STOX2: variants seen among roughly 807,000 people sequenced by gnomAD.
STOX2 encodes storkhead-box protein 2.
Under a neutral mutation model 60.9 loss-of-function variants are expected in STOX2, and 28 were observed. The observed-to-expected ratio is 0.46, with a 90% CI of 0.34 to 0.63. The LOEUF (loss-of-function observed/expected upper bound fraction) is 0.63, where lower values mean the gene tolerates loss of function less well. Among genes scored for constraint, STOX2 ranks in the 30% least tolerant of loss-of-function variants. STOX2 has a pLI of 0.01. For missense variants in STOX2, 1,024 were observed against 1,187.7 expected, an observed-to-expected ratio of 0.86 and a Z score of 2.03; for synonymous variants, 472 against 463.9, an observed-to-expected ratio of 1.02 and a Z score of -0.22.
At chr4:183,808,163 G>A (rs1453384798) in intron 1 of STOX2, among the ~76,000 whole-genome samples, 1 of 152,234 alleles carries the variant, frequency 6.6e-6, no homozygotes, top group Non-Finnish European at 1.5e-5. Context: ...AGTGAAAGGA[G>A]GATACAGCTC....
At chr4:184,007,949 A>T (rs1202335545) in intron 2 of STOX2, among the ~76,000 whole-genome samples, 2 of 152,222 alleles carry the variant, frequency 1.3e-5, no homozygotes, top group Non-Finnish European at 2.9e-5. Flanking sequence ...GGATTTCAGG[A>T]TATAAATTGG....
chr4:184,018,468 A>C lies in STOX2; in HGVS notation c.*1184A>C, dbSNP rs1734463359. The C allele has an allele frequency of 7.3e-6, 1 of 137,796 alleles. No individual in the cohort carries two copies. The highest frequency in any genetic ancestry group is 2.3e-4 in the South Asian group (1 of 4,260). The allele number at this position is 137,796 out of a possible 1,614,324, so 8.5% of individuals were successfully genotyped here. ...TTTGATTAGAAATATACATGTGCCCATGTAATAAACAACAGAATGTGCTCA... is the reference window on the plus strand; with the variant it reads ...TTTGATTAGAAATATACATGTGCCCCTGTAATAAACAACAGAATGTGCTCA... On this transcript the variant is annotated 3_prime_UTR_variant, in exon 4 of 4. Transcript: ENST00000308497.
chr4:183,979,456 C>T (rs1203909547), intron 1 of STOX2, among the ~76,000 whole-genome samples: 1 of 152,108 alleles, frequency 6.6e-6, no homozygotes, highest in Non-Finnish European at 1.5e-5. Context: ...CACTGATATT[C>T]TTGTGATTGC....
intron 1 of STOX2, among the ~76,000 whole-genome samples, chr4:183,807,035 C>T (rs373110721): frequency 2.2e-4 from 34 of 152,072 alleles, no homozygotes; most frequent in African/African-American, 5.3e-4. Flanking sequence ...TGCAGTGGCG[C>T]GATCTCGGCT....
intron 1 of STOX2, among the ~76,000 whole-genome samples, chr4:183,851,948 G>A (rs369038121): frequency 0.15 from 5,242 of 34,488 alleles, 478 homozygotes; most frequent in East Asian, 0.31. Flanking sequence ...AAAGGATGAG[G>A]GAAACGATGA....
intron 1 of STOX2, among the ~76,000 whole-genome samples, chr4:183,868,386 A>G (rs1740619801): frequency 6.6e-6 from 1 of 152,118 alleles, no homozygotes; most frequent in Admixed American, 6.5e-5. Flanking sequence ...TGATTGTGCC[A>G]TTGCACTTCA....
chr4:183,996,692 AT>A (rs1733360221), intron 1 of STOX2, among the ~76,000 whole-genome samples: 1 of 152,182 alleles, frequency 6.6e-6, no homozygotes, highest in African/African-American at 2.4e-5. Flanking sequence ...TCTTAAATGC[AT>A]GTTCTAAACT....
At chr4:183,817,935 C>T (rs1739189049) in intron 1 of STOX2, among the ~76,000 whole-genome samples, 1 of 152,074 alleles carries the variant, frequency 6.6e-6, no homozygotes, top group African/African-American at 2.4e-5. Flanking sequence ...CTGCACTGTT[C>T]TCCCCACCTC....
chr4:183,934,467 G>T (rs1742532258), intron 1 of STOX2, among the ~76,000 whole-genome samples: 1 of 152,152 alleles, frequency 6.6e-6, no homozygotes, highest in Admixed American at 6.5e-5. Flanking sequence ...AAGGCCTTTA[G>T]AAACTTTAGA....
chr4:183,848,733 T>C (rs1240629833), intron 1 of STOX2, among the ~76,000 whole-genome samples: 1 of 152,174 alleles, frequency 6.6e-6, no homozygotes, highest in South Asian at 2.1e-4. Flanking sequence ...TCATCTTTAT[T>C]AGAGAAGTGA....
rs1164648011 is a variant in STOX2 at position 183,857,379 on chromosome 4, T to TGCCTCATAGGATTGGTC, written c.364+59324_364+59325insGCCTCATAGGATTGGTC. Among the ~76,000 whole-genome samples, 132 of 151,454 alleles carry TGCCTCATAGGATTGGTC rather than the reference T, an allele frequency of 8.7e-4. 1 individual carries two copies. Among genetic ancestry groups the TGCCTCATAGGATTGGTC allele is most frequent in the African/African-American group, 3.1e-3 (128 of 41,274 alleles). On this transcript the variant is annotated intron_variant, in intron 1 of 2. Transcript: ENST00000513034. ...GGACTGGTCATCCCGCAGGACTGGT[T>TGCCTCATAGGATTGGTC]ATCCCGCAGGACTGGTTGCCTCATA...
At chr4:183,936,945 A>G (rs145084424) in intron 1 of STOX2, among the ~76,000 whole-genome samples, 1 of 152,370 alleles carries the variant, frequency 6.6e-6, no homozygotes, top group East Asian at 1.9e-4. Flanking sequence ...GAGCATGGAT[A>G]CTTTTGCACA....
intron 1 of STOX2, among the ~76,000 whole-genome samples, chr4:183,942,257 CATTTGTAAATTATCTTACAA>C (rs142813480): frequency 0.038 from 5,651 of 150,338 alleles, 223 homozygotes; most frequent in African/African-American, 0.1. Flanking sequence ...TGACTTTAGA[CATTTGTAAATTATCTTACAA>C]ATTTGTAAAT....
At chr4:183,991,713 C>T (rs571213687) in intron 1 of STOX2, among the ~76,000 whole-genome samples, 34 of 152,188 alleles carry the variant, frequency 2.2e-4, no homozygotes, top group Admixed American at 5.2e-4. Flanking sequence ...CATGAGCCAC[C>T]GCGCCCGGCC....
Position 183,937,384 on chromosome 4 carries a change from A to T in STOX2, c.166+30428A>T, listed in dbSNP as rs547954595. 3.3e-5 allele frequency among the ~76,000 whole-genome samples: 5 copies of T among 152,348 alleles called. No individual in the cohort carries two copies. The South Asian group carries it at 8.3e-4, about 25-fold the overall frequency. On this transcript the variant is annotated intron_variant, in intron 1 of 3. Transcript: ENST00000308497. The stretch of plus-strand genomic sequence containing the variant: ...TCCATCCTGAAGGAGAGAATTTCCA[A>T]TGGAGAGAAGACGTGTCTTCTTCCC...
rs940058511 is a variant in STOX2 at position 184,018,674 on chromosome 4, T to A, written c.*1390T>A. On this transcript the variant is annotated 3_prime_UTR_variant, in exon 4 of 4. Transcript: ENST00000308497. ...CTTATTTCCAAATGGTTTGTTAACA[T>A]TTTGCTTTGGTTTACAATGTCATGT... 1 of 152,216 alleles carries A rather than the reference T, an allele frequency of 6.6e-6. No homozygotes were observed. The highest frequency in any genetic ancestry group is 2.4e-5 in the African/African-American group (1 of 41,454). 9.4% of individuals were successfully genotyped at this position (152,216 alleles called of 1,614,324 possible). A position where few individuals can be genotyped will look rare whatever the true frequency, so the allele number is the denominator to read the frequency against.
intron 1 of STOX2, among the ~76,000 whole-genome samples, chr4:183,950,922 G>A (rs1421767714): frequency 6.6e-6 from 1 of 152,138 alleles, no homozygotes. Flanking sequence ...TGTTTAAGAA[G>A]GACAGTAGTG....
chr4:184,013,725 G>T (rs1734250129), intron 3 of STOX2, among the ~76,000 whole-genome samples: 1 of 152,174 alleles, frequency 6.6e-6, no homozygotes, highest in African/African-American at 2.4e-5. Context: ...TGCAGTCTGG[G>T]GAGTATTTTA....
At chr4:183,965,921 TG>T (rs1743552504) in intron 1 of STOX2, among the ~76,000 whole-genome samples, 1 of 151,950 alleles carries the variant, frequency 6.6e-6, no homozygotes, top group African/African-American at 2.4e-5. Context: ...GCTGCCCCAG[TG>T]GTGGTGCTAC....
Sources: allele counts gnomAD v4.1 joint callset (sites outside exome capture counted in the v4.1 genomes callset), GRCh38; gene constraint gnomAD v4.1.1; transcripts MANE v1.5; gene names NCBI Gene and HGNC (gene_info 2026-07-23, HGNC 2026-07-21).